CHRNA6: variants seen among roughly 807,000 people sequenced by gnomAD.
The protein encoded by CHRNA6 is cholinergic receptor nicotinic alpha 6 subunit.
In CHRNA6, 31 loss-of-function variants were observed where a neutral mutation model predicts 40.9. That is an observed-to-expected ratio of 0.76 (90% CI 0.57 to 1.02). The LOEUF (loss-of-function observed/expected upper bound fraction) is 1.02. CHRNA6 is among the 50% of genes least tolerant of loss of function. The pLI is 0.00. For synonymous variants in CHRNA6, 222 were observed against 221.3 expected, an observed-to-expected ratio of 1.00 and a Z score of -0.03; for missense variants, 546 against 596.6, an observed-to-expected ratio of 0.92 and a Z score of 0.88.
intron 2 of CHRNA6, among the ~76,000 whole-genome samples, chr8:42,764,798 T>C (rs1030135496): frequency 6.6e-6 from 1 of 152,158 alleles, no homozygotes; most frequent in Non-Finnish European, 1.5e-5. Context: ...GTCTGGTGCA[T>C]AATGGGTGCC....
chr8:42,755,712 A>T (rs2128911118), intron 5 of CHRNA6, 134 bp downstream of exon 5: 1 of 1,013,668 alleles, frequency 9.9e-7, no homozygotes, highest in South Asian at 1.6e-5. Context: ...ACATAATAAC[A>T]GAGCCAGGTC....
chr8:42,757,144 T>A, intron 3 of CHRNA6, 107 bp from the exon 4 acceptor site: 1 of 748,646 alleles, frequency 1.3e-6, no homozygotes, highest in Non-Finnish European at 2.3e-6. Context: ...GGCAGGCAGG[T>A]CACTTGAGGT....
chr8:42,758,392 G>C (rs1444481177), intron 3 of CHRNA6, among the ~76,000 whole-genome samples: 5 of 150,266 alleles, frequency 3.3e-5, no homozygotes, highest in African/African-American at 9.9e-5. Context: ...ACAGAGTCTC[G>C]CTCTGTTGCC....
chr8:42,758,071 A>G (rs1816837316), intron 3 of CHRNA6, among the ~76,000 whole-genome samples: 1 of 152,204 alleles, frequency 6.6e-6, no homozygotes, highest in Non-Finnish European at 1.5e-5. Flanking sequence ...AAGTAAAAAT[A>G]ATACATTCTT....
At position 42,755,992 on chromosome 8, in the gene CHRNA6, C is replaced by G; in HGVS notation, c.1207G>C (p.Glu403Gln). 1 of 1,614,244 alleles carries G rather than the reference C, an allele frequency of 6.2e-7. No individual in the cohort carries two copies. The highest frequency in any genetic ancestry group is 8.5e-7 in the Non-Finnish European group (1 of 1,180,048). Residue 403 changes from glutamate (E) to glutamine (Q), a missense_variant, in exon 5 of 6, where the codon GAG (glutamate) becomes CAG (glutamine). Glu to Gln is a conservative substitution (Grantham distance 29). This residue lies in a region of CHRNA6 where 476 missense variants were observed against 494.5 expected (regional missense o/e 0.96). Transcript: ENST00000276410. Reference protein sequence around the residue: ...KECFHCHKSNELATSKRRLSH... With the variant: ...KECFHCHKSNQLATSKRRLSH... ...AATCTTCTCTTGCTTGTGGCAAGCT[C>G]ATTTGATTTGTGACAATGGAAGCAT...
chr8:42,765,056 G>A lies in CHRNA6; in HGVS notation c.219+9C>T, dbSNP rs201110899. 1.2e-6 allele frequency: 2 copies of A among 1,613,726 alleles called. No individual in the cohort carries two copies. Among genetic ancestry groups the A allele is most frequent in the African/African-American group, 1.3e-5 (1 of 75,008 alleles). On this transcript the variant is annotated intron_variant, in intron 2 of 5. Transcript: ENST00000276410. ...ATGCTGGGGAAAGCTCTGATCAGAG[G>A]GCACTCACCACGTTGGCCAGCTGGG...
In CHRNA6 at chr8:42,756,716, A is replaced by G. The variant is rs1244365074; in HGVS notation, c.483T>C (p.Asp161=). The G allele has an allele frequency of 6.2e-7, 1 of 1,614,030 alleles. No individual in the cohort carries two copies. Among genetic ancestry groups the G allele is most frequent in the African/African-American group, 1.3e-5 (1 of 74,942 alleles). The change falls in exon 5 of 6, where the codon GAT becomes GAC. Residue 161 remains aspartate, a synonymous_variant. Transcript: ENST00000276410. ...GATGATCAAAAGGGAAAAAGGTGAT[A>G]TCCATAGGGCAGGAACTCTTAAAAA... The part of the protein sequence containing the change: ...PAIFKSSCPM[D]ITFFPFDHQN...
intron 5 of CHRNA6, among the ~76,000 whole-genome samples, chr8:42,753,954 G>A (rs2128910852): frequency 6.6e-6 from 1 of 152,296 alleles, no homozygotes; most frequent in Admixed American, 6.5e-5. Flanking sequence ...TGGGGAATGA[G>A]TTTGAGGCAG....
rs565824252 is a variant in CHRNA6, at chr8:42,762,928, A to G, written c.219+2137T>C. On this transcript the variant is annotated intron_variant, in intron 2 of 5. Coordinates refer to ENST00000276410, the MANE Select transcript of CHRNA6 (RefSeq NM_004198.3). ...CGTTATTTCTTACAACTGCATGTCAATCTATAATGATCTCAAGAAATAAAA... is the reference window on the plus strand; with the variant it reads ...CGTTATTTCTTACAACTGCATGTCAGTCTATAATGATCTCAAGAAATAAAA... Among the ~76,000 whole-genome samples, 5 of 152,302 alleles carry G rather than the reference A, an allele frequency of 3.3e-5. No individual in the cohort carries two copies. The East Asian group carries it at 9.7e-4, about 29-fold the overall frequency.
rs747459603 is a variant in CHRNA6, at chr8:42,756,691, G to A, written c.508C>T (p.Gln170Ter). 1 of 1,614,126 alleles carries A rather than the reference G, an allele frequency of 6.2e-7. No homozygotes were observed. The highest frequency in any genetic ancestry group is 1.1e-5 in the South Asian group (1 of 91,080). ...MDITFFPFDH[Q>*]NCSLKFGSWT... is the part of the protein sequence containing the mutation. ...GAACCAAATTTTAGGGAACAGTTTT[G>A]ATGATCAAAAGGGAAAAAGGTGATA... The change falls in exon 5 of 6, where the codon CAA (glutamine) becomes TAA (stop). Residue 170 changes from glutamine (Q) to a stop codon, truncating the protein, a stop_gained. Coordinates refer to ENST00000276410, the MANE Select transcript of CHRNA6 (RefSeq NM_004198.3). LOFTEE classifies it high-confidence loss of function.
At chr8:42,759,523 G>C (rs371875264) in intron 2 of CHRNA6, 53 of 166,820 alleles carry the variant, frequency 3.2e-4, no homozygotes, top group African/African-American at 1.2e-3. Flanking sequence ...TTCCCTAAAC[G>C]CCTCCCATCC....
At chr8:42,759,892 T>G (rs1816870389) in intron 2 of CHRNA6, among the ~76,000 whole-genome samples, 1 of 108,298 alleles carries the variant, frequency 9.2e-6, no homozygotes, top group Non-Finnish European at 1.7e-5. Context: ...AAAGACTCCA[T>G]CTCAAAAAAA....
intron 1 of CHRNA6, among the ~76,000 whole-genome samples, chr8:42,767,773 C>G (rs1471472318): frequency 6.6e-6 from 1 of 152,158 alleles, no homozygotes; most frequent in East Asian, 1.9e-4. Flanking sequence ...CATTTTATAG[C>G]AGATAAACCC....
At chr8:42,759,181 A>T (rs892076683) in intron 2 of CHRNA6, 68 bp from the exon 3 acceptor site, 2 of 1,244,940 alleles carry the variant, frequency 1.6e-6, no homozygotes, top group African/African-American at 3.0e-5. Context: ...TAGAGCAAAA[A>T]TTACAACTAA....
chr8:42,767,164 T>G (rs2128912839), intron 1 of CHRNA6, among the ~76,000 whole-genome samples: 1 of 152,314 alleles, frequency 6.6e-6, no homozygotes, highest in East Asian at 1.9e-4. Context: ...AGACGGGGTT[T>G]CACCGTGTTA....
intron 3 of CHRNA6, among the ~76,000 whole-genome samples, chr8:42,758,619 C>T (rs1206119367): frequency 1.3e-5 from 2 of 152,156 alleles, no homozygotes; most frequent in African/African-American, 4.8e-5. Flanking sequence ...CCACCTTGGG[C>T]TCTCAAAGTG....
chr8:42,759,075 C>A lies in CHRNA6; in HGVS notation c.258G>T (p.Leu86=). The A allele has an allele frequency of 6.2e-7, 1 of 1,613,062 alleles. No homozygotes were observed. The highest frequency in any genetic ancestry group is 8.5e-7 in the Non-Finnish European group (1 of 1,179,014). Residue 86 remains leucine, a synonymous_variant, in exon 3 of 6, where the codon CTG becomes CTT. Transcript: ENST00000276410. Reference sequence around the variant, plus strand: ...ACATGATATAGGCACATACGTGACGCAGCCACAAATTGGTTTCCATGATCT... The same window carrying A: ...ACATGATATAGGCACATACGTGACGAAGCCACAAATTGGTTTCCATGATCT... ...VNQIMETNLW[L]RHIWNDYKLR... is the part of the protein sequence containing the mutation.
chr8:42,767,869 C>A (rs1816995454), intron 1 of CHRNA6, among the ~76,000 whole-genome samples: 1 of 152,176 alleles, frequency 6.6e-6, no homozygotes, highest in Admixed American at 6.5e-5. Flanking sequence ...TGGTCCGTTT[C>A]TAAGTTGTAA....
chr8:42,765,135 C>T lies in CHRNA6; in HGVS notation c.149G>A (p.Arg50Lys). The T allele has an allele frequency of 6.2e-7, 1 of 1,614,172 alleles. No individual in the cohort carries two copies. The highest frequency in any genetic ancestry group is 8.5e-7 in the Non-Finnish European group (1 of 1,180,016). ...AGGGTCGGAAACGTTTTCCACAGGC[C>T]TGATGAACTGGTTGTAATGAGAAAA... Reference protein sequence around the residue: ...KLFSHYNQFIRPVENVSDPVT... With the variant: ...KLFSHYNQFIKPVENVSDPVT... The change falls in exon 2 of 6, where the codon AGG becomes AAG. Residue 50 changes from arginine to lysine, a missense_variant. Coordinates refer to ENST00000276410, the MANE Select transcript of CHRNA6 (RefSeq NM_004198.3).
Sources: gnomAD v4.1 joint callset for allele counts (sites outside exome capture counted in the v4.1 genomes callset) on GRCh38, gnomAD v4.1.1 for gene constraint, gnomAD v4.1.1 regional missense constraint, MANE v1.5 for transcripts, NCBI Gene and HGNC (gene_info 2026-07-23, HGNC 2026-07-21) for gene names.